Variants in GRM5 observed in about 807,000 individuals in gnomAD.
The protein encoded by GRM5 is glutamate metabotropic receptor 5, also known as metabotropic glutamate receptor 5.
In GRM5, 19 loss-of-function variants were observed where a neutral mutation model predicts 83.1. That is an observed-to-expected ratio of 0.23 (90% confidence interval 0.16 to 0.34). The LOEUF is 0.34. Among genes scored for constraint, GRM5 ranks in the 10% least tolerant of loss-of-function variants. GRM5 has a pLI of 1.00. For synonymous variants in GRM5, 675 were observed against 633.6 expected (o/e 1.07, Z -0.98); for missense variants, 1,160 against 1,588.3 (o/e 0.73, Z 4.58).
At chr11:88,909,409 CA>C (rs10710906) in intron 2 of GRM5, among the ~76,000 whole-genome samples, 145,538 of 151,206 alleles carry the variant, frequency 0.96, 70,091 homozygotes, top group East Asian at 0.99. Flanking sequence ...TTTCCACTGC[CA>C]AGGTAAATCA....
intron 2 of GRM5, among the ~76,000 whole-genome samples, chr11:88,942,724 C>T (rs1489246699): frequency 6.5e-5 from 9 of 138,836 alleles, no homozygotes; most frequent in African/African-American, 2.3e-4. Context: ...TGTAAAATGA[C>T]AGTGTTTAAA....
chr11:88,854,272 A>T (rs959068582), intron 2 of GRM5, among the ~76,000 whole-genome samples: 3 of 151,836 alleles, frequency 2.0e-5, no homozygotes, highest in African/African-American at 7.3e-5. Context: ...TTTCCAGATT[A>T]AAATAATTGC....
intron 8 of GRM5, among the ~76,000 whole-genome samples, chr11:88,544,190 A>G (rs186834611): frequency 7.2e-5 from 11 of 152,270 alleles, no homozygotes; most frequent in African/African-American, 2.4e-4. Flanking sequence ...AGAACTGAGA[A>G]ATAAATTTCA....
chr11:88,731,991 G>A (rs1941817339), intron 3 of GRM5, among the ~76,000 whole-genome samples: 1 of 152,040 alleles, frequency 6.6e-6, no homozygotes, highest in Non-Finnish European at 1.5e-5. Context: ...AGTAAGATTT[G>A]TCCAGAGTCT....
At chr11:88,720,796 C>CTGTGTGTGTGTGTG (rs748475378) in intron 3 of GRM5, among the ~76,000 whole-genome samples, 20 of 141,768 alleles carry the variant, frequency 1.4e-4, no homozygotes, top group East Asian at 2.2e-4. Context: ...AATCATTACT[C>CTGTGTGTGTGTGTG]TGTGTGTGTG....
chr11:88,703,376 G>C (rs893377551), intron 3 of GRM5, among the ~76,000 whole-genome samples: 1 of 68,092 alleles, frequency 1.5e-5, no homozygotes, highest in Non-Finnish European at 5.4e-5. Context: ...GATAGTACTG[G>C]ACACCTGAGG....
At chr11:88,916,593 A>G (rs1219785157) in intron 2 of GRM5, among the ~76,000 whole-genome samples, 2 of 152,050 alleles carry the variant, frequency 1.3e-5, no homozygotes, top group East Asian at 3.9e-4. Context: ...CTAGACCACA[A>G]GGACTGTAAT....
At chr11:88,748,348 G>T (rs1283270815) in intron 3 of GRM5, among the ~76,000 whole-genome samples, 1 of 152,092 alleles carries the variant, frequency 6.6e-6, no homozygotes, top group Non-Finnish European at 1.5e-5. Flanking sequence ...AAGCAGTATT[G>T]TTCTGCAGGC....
intron 8 of GRM5, among the ~76,000 whole-genome samples, chr11:88,559,709 G>C (rs774505341): frequency 6.6e-6 from 1 of 152,144 alleles, no homozygotes; most frequent in Non-Finnish European, 1.5e-5. Context: ...TGAGTATTGA[G>C]TATGTGATTG....
intron 1 of GRM5, among the ~76,000 whole-genome samples, chr11:89,057,227 T>A (rs541660622): frequency 6.6e-6 from 1 of 152,244 alleles, no homozygotes; most frequent in East Asian, 1.9e-4. Flanking sequence ...ATATTGCATA[T>A]GCCATCAATG....
chr11:88,593,024 T>C (rs1303079875), intron 6 of GRM5, among the ~76,000 whole-genome samples: 2 of 152,148 alleles, frequency 1.3e-5, no homozygotes, highest in Non-Finnish European at 2.9e-5. Flanking sequence ...CTCACTAAAT[T>C]GCCTAGGCTG....
At chr11:89,026,663 C>G (rs1941137208) in intron 2 of GRM5, among the ~76,000 whole-genome samples, 1 of 152,170 alleles carries the variant, frequency 6.6e-6, no homozygotes, top group African/African-American at 2.4e-5. Context: ...AATACTAACA[C>G]ATGAGAGTCA....
chr11:88,942,095 A>G (rs938105807), intron 2 of GRM5, among the ~76,000 whole-genome samples: 1 of 152,090 alleles, frequency 6.6e-6, no homozygotes, highest in African/African-American at 2.4e-5. Flanking sequence ...AAACACAGCC[A>G]TAAAGGACAT....
intron 3 of GRM5, among the ~76,000 whole-genome samples, chr11:88,771,236 T>C (rs780835291): frequency 2.4e-4 from 36 of 152,092 alleles, no homozygotes; most frequent in South Asian, 1.0e-3. Context: ...TATATGTATA[T>C]ATGAAAGGAA....
chr11:88,512,028 A>C (rs944040871), intron 9 of GRM5: 1 of 152,216 alleles, frequency 6.6e-6, no homozygotes, highest in Non-Finnish European at 1.5e-5. Context: ...ACTAGCTTTT[A>C]AAAAGTTTCT....
chr11:89,037,966 A>T (rs1220065795), intron 2 of GRM5, among the ~76,000 whole-genome samples: 1 of 152,178 alleles, frequency 6.6e-6, no homozygotes, highest in Non-Finnish European at 1.5e-5. Context: ...TGAAATTTAC[A>T]AAATACCTAA....
chr11:88,573,400 C>T (rs965541699), intron 7 of GRM5, among the ~76,000 whole-genome samples: 1 of 152,130 alleles, frequency 6.6e-6, no homozygotes, highest in Middle Eastern at 3.2e-3. Flanking sequence ...TTACTAGTTT[C>T]TAGACTGCTG....
At chr11:88,803,368 C>G (rs1266065834) in intron 3 of GRM5, among the ~76,000 whole-genome samples, 2 of 152,026 alleles carry the variant, frequency 1.3e-5, no homozygotes, top group Admixed American at 6.6e-5. Context: ...ACAGAGCCCT[C>G]AGAAATAACA....
At chr11:89,054,701 T>G (rs1941834975) in intron 1 of GRM5, among the ~76,000 whole-genome samples, 1 of 150,200 alleles carries the variant, frequency 6.7e-6, no homozygotes, top group Admixed American at 6.6e-5. Flanking sequence ...GAATAGAAAC[T>G]TCCTTTTGTG....
Sources: allele counts gnomAD v4.1 joint callset (sites outside exome capture counted in the v4.1 genomes callset), GRCh38; gene constraint gnomAD v4.1.1; transcripts MANE v1.5; gene names NCBI Gene and HGNC (gene_info 2026-07-23, HGNC 2026-07-21).